Variants in ADCY8 observed in about 807,000 individuals in gnomAD.
ADCY8 encodes adenylate cyclase 8.
ADCY8 carries 51 observed loss-of-function variants against 119.7 expected under a neutral mutation model. The observed-to-expected ratio is 0.43, with a 90% CI of 0.34 to 0.54. The LOEUF is 0.54. Among genes scored for constraint, ADCY8 ranks in the 20% least tolerant of loss-of-function variants. ADCY8 has a pLI of 0.03. For synonymous variants in ADCY8, 665 were observed against 651.0 expected, an observed-to-expected ratio of 1.02 and a Z score of -0.33; for missense variants, 1,383 against 1,598.8, an observed-to-expected ratio of 0.87 and a Z score of 2.30.
intron 2 of ADCY8, among the ~76,000 whole-genome samples, chr8:130,976,207 CTT>C (rs1822067717): frequency 6.6e-6 from 1 of 152,162 alleles, no homozygotes; most frequent in African/African-American, 2.4e-5. Flanking sequence ...AGAGAATACT[CTT>C]TAAGAAAAAC....
intron 2 of ADCY8, among the ~76,000 whole-genome samples, chr8:130,981,541 C>T (rs768503152): frequency 7.9e-5 from 12 of 152,266 alleles, no homozygotes; most frequent in Non-Finnish European, 1.5e-4. Flanking sequence ...AAAGCCCCCA[C>T]AGAGTTCTTC....
chr8:130,922,577 A>G (rs1030829631), intron 5 of ADCY8, among the ~76,000 whole-genome samples: 14 of 152,088 alleles, frequency 9.2e-5, no homozygotes, highest in African/African-American at 3.4e-4. Flanking sequence ...TTCTTAGTAC[A>G]GAACAAAATG....
chr8:130,966,001 G>A (rs547797125), intron 2 of ADCY8, among the ~76,000 whole-genome samples: 1 of 152,204 alleles, frequency 6.6e-6, no homozygotes, highest in East Asian at 1.9e-4. Context: ...AAAAGAAGTG[G>A]CTGTATTTGT....
At chr8:130,875,341 G>T (rs528100633) in intron 8 of ADCY8, among the ~76,000 whole-genome samples, 143 of 152,254 alleles carry the variant, frequency 9.4e-4, no homozygotes, top group Non-Finnish European at 1.5e-3. Flanking sequence ...CTCAAGAGCA[G>T]CCTGATGCTA....
At chr8:130,869,611 A>G (rs1164954392) in intron 8 of ADCY8, among the ~76,000 whole-genome samples, 4 of 147,560 alleles carry the variant, frequency 2.7e-5, no homozygotes, top group African/African-American at 7.6e-5. Flanking sequence ...TCTGCCTCCC[A>G]GGTTCACTCC....
intron 14 of ADCY8, among the ~76,000 whole-genome samples, chr8:130,813,522 A>C (rs1816237733): frequency 6.6e-6 from 1 of 152,188 alleles, no homozygotes; most frequent in Non-Finnish European, 1.5e-5. Flanking sequence ...ACTTAGCGTA[A>C]TGTATTCAAA....
At chr8:130,807,039 T>G (rs1815983416) in intron 14 of ADCY8, among the ~76,000 whole-genome samples, 1 of 152,244 alleles carries the variant, frequency 6.6e-6, no homozygotes, top group Admixed American at 6.5e-5. Context: ...GAGGAATTGA[T>G]GAATATAGAA....
At chr8:130,976,412 A>T (rs1822074007) in intron 2 of ADCY8, among the ~76,000 whole-genome samples, 1 of 152,192 alleles carries the variant, frequency 6.6e-6, no homozygotes, top group Non-Finnish European at 1.5e-5. Flanking sequence ...CCATGACTGC[A>T]TGTGGACAGA....
At chr8:130,865,400 T>G (rs1361382119) in intron 9 of ADCY8, among the ~76,000 whole-genome samples, 1 of 152,054 alleles carries the variant, frequency 6.6e-6, no homozygotes, top group Non-Finnish European at 1.5e-5. Context: ...TTTTTCTAAT[T>G]TTGGTTAGGT....
chr8:130,806,643 T>C lies in ADCY8; in HGVS notation c.2914-6071A>G, dbSNP rs529936535. Among the ~76,000 whole-genome samples, 4 of 152,226 alleles carry C rather than the reference T, an allele frequency of 2.6e-5. 1 individual carries two copies. The East Asian group carries it at 7.7e-4, about 29-fold the overall frequency. The stretch of plus-strand genomic sequence containing the variant: ...CATTGGAGGCAGCACAGCAGTGGCC[T>C]TGGGAGGAGATATTAATTTCTGTGA... On this transcript the variant is annotated intron_variant, in intron 14 of 17. Coordinates refer to ENST00000286355, the MANE Select transcript of ADCY8 (RefSeq NM_001115.3).
intron 11 of ADCY8, among the ~76,000 whole-genome samples, chr8:130,844,061 C>A (rs926546222): frequency 6.6e-6 from 1 of 152,166 alleles, no homozygotes; most frequent in African/African-American, 2.4e-5. Context: ...GAAAAATGGG[C>A]TCTTCAGGAC....
At chr8:130,820,291 C>T (rs899660433) in intron 13 of ADCY8, among the ~76,000 whole-genome samples, 3 of 152,096 alleles carry the variant, frequency 2.0e-5, no homozygotes, top group South Asian at 2.1e-4. Flanking sequence ...TCTCAGGGTT[C>T]GTTACCTCCA....
intron 15 of ADCY8, among the ~76,000 whole-genome samples, chr8:130,790,280 G>C (rs1370947416): frequency 1.3e-5 from 2 of 152,190 alleles, no homozygotes; most frequent in African/African-American, 2.4e-5. Context: ...GATTATTAGA[G>C]AGACCCATGG....
In ADCY8 at chr8:130,970,126, G is replaced by T. The variant is rs144464117; in HGVS notation, c.1111-18128C>A. The stretch of plus-strand genomic sequence containing the variant: ...GCAGCTTTGCAGGATTAACTCAGTT[G>T]CCTGCTCCCTAGATCAGCAGTCCCC... On this transcript the variant is annotated intron_variant, in intron 2 of 17. Coordinates refer to ENST00000286355, the MANE Select transcript of ADCY8 (RefSeq NM_001115.3). 2.4e-4 allele frequency among the ~76,000 whole-genome samples: 37 copies of T among 152,284 alleles called. No homozygotes were observed. The East Asian group carries it at 6.6e-3, about 27-fold the overall frequency.
In ADCY8 at chr8:131,039,476, C is replaced by A; in HGVS notation, c.858G>T (p.Pro286=). 1 of 1,614,088 alleles carries A rather than the reference C, an allele frequency of 6.2e-7. No individual in the cohort carries two copies. Among genetic ancestry groups the A allele is most frequent in the Non-Finnish European group, 8.5e-7 (1 of 1,180,040 alleles). The stretch of plus-strand genomic sequence containing the variant: ...CCAGGATGGCCCAGGTGAGCGGCAG[C>A]GGCAGCATACTGTAGGTGGCGAAGA... ...FTLFATYSML[P]LPLTWAILAG... The change falls in exon 1 of 18, where the codon CCG becomes CCT. Residue 286 remains proline, a synonymous_variant. Transcript: ENST00000286355.
chr8:130,811,556 T>C (rs1816167358), intron 14 of ADCY8, among the ~76,000 whole-genome samples: 1 of 152,236 alleles, frequency 6.6e-6, no homozygotes, highest in Non-Finnish European at 1.5e-5. Flanking sequence ...AATCTAGTCC[T>C]GGAAGAGCGG....
chr8:130,854,346 C>G (rs1192254260), intron 9 of ADCY8, among the ~76,000 whole-genome samples: 1 of 152,144 alleles, frequency 6.6e-6, no homozygotes, highest in Non-Finnish European at 1.5e-5. Context: ...ACATTAAGTC[C>G]TAATTATTCT....
intron 3 of ADCY8, among the ~76,000 whole-genome samples, chr8:130,947,074 A>G (rs1821126880): frequency 6.6e-6 from 1 of 152,178 alleles, no homozygotes; most frequent in Non-Finnish European, 1.5e-5. Flanking sequence ...CAGGATGAAT[A>G]TACCAAGGGG....
intron 2 of ADCY8, among the ~76,000 whole-genome samples, chr8:130,964,558 C>T (rs979148244): frequency 2.6e-5 from 4 of 152,116 alleles, no homozygotes; most frequent in African/African-American, 9.7e-5. Context: ...AACAATGACA[C>T]TAAATTAGAT....
Sources: allele counts gnomAD v4.1 joint callset (sites outside exome capture counted in the v4.1 genomes callset), GRCh38; gene constraint gnomAD v4.1.1; transcripts MANE v1.5; gene names NCBI Gene and HGNC (gene_info 2026-07-23, HGNC 2026-07-21).